SLC18B1: variants seen among roughly 807,000 people sequenced by gnomAD.
The protein encoded by SLC18B1 is solute carrier family 18 member B1.
A neutral mutation model predicts 53.9 loss-of-function variants in SLC18B1; 62 were observed. The observed-to-expected ratio is 1.15, with a 90% CI of 0.94 to 1.42. The LOEUF is 1.42. Among genes scored for constraint, SLC18B1 ranks in the 40% most tolerant of loss-of-function variants. The probability of loss-of-function intolerance (pLI) is 0.00; values close to 1 mark genes in which losing one functional copy is unlikely to be tolerated. For synonymous variants in SLC18B1, 217 were observed against 200.9 expected, an observed-to-expected ratio of 1.08 and a Z score of -0.68; for missense variants, 598 against 547.3, an observed-to-expected ratio of 1.09 and a Z score of -0.93.
intron 6 of SLC18B1, among the ~76,000 whole-genome samples, chr6:132,781,813 A>AT (rs1294452895): frequency 1.3e-5 from 2 of 152,096 alleles, no homozygotes; most frequent in African/African-American, 4.8e-5. Flanking sequence ...AGAAAAGGTA[A>AT]TAAAATCAAG....
intron 5 of SLC18B1, among the ~76,000 whole-genome samples, chr6:132,786,112 T>C (rs763991449): frequency 6.6e-6 from 1 of 152,104 alleles, no homozygotes. Context: ...CTTATCTTAA[T>C]GAGCATATCA....
At chr6:132,775,399 A>T (rs182556805) in intron 8 of SLC18B1, among the ~76,000 whole-genome samples, 4 of 152,348 alleles carry the variant, frequency 2.6e-5, no homozygotes, top group Non-Finnish European at 5.9e-5. Context: ...TACTTGAATC[A>T]GGACAAAAAT....
chr6:132,794,848 A>G (rs1259223385), intron 2 of SLC18B1, among the ~76,000 whole-genome samples: 1 of 152,148 alleles, frequency 6.6e-6, no homozygotes. Context: ...TACTAAAAAT[A>G]GAAAAAAATA....
In SLC18B1 at chr6:132,776,390, C is replaced by A. The variant is rs1277688778; in HGVS notation, c.835G>T (p.Gly279Cys). The A allele has an allele frequency of 1.9e-6, 3 of 1,613,214 alleles. No homozygotes were observed. Among genetic ancestry groups the A allele is most frequent in the Non-Finnish European group, 2.5e-6 (3 of 1,179,678 alleles). The change falls in exon 8 of 14, where the codon GGT becomes TGT. Residue 279 changes from glycine (G) to cysteine (C), a missense_variant. Gly to Cys is a radical substitution (Grantham distance 159). Coordinates refer to ENST00000275227, the MANE Select transcript of SLC18B1 (RefSeq NM_052831.3). Reference protein sequence around the residue: ...PAGYVGLVFLGMALSYAISSP... With the variant: ...PAGYVGLVFLCMALSYAISSP... Reference sequence around the variant, plus strand: ...GAGATGGCATAGGACAGTGCCATACCCAGGAATACTAGTCCCACATATCCA... The same window carrying A: ...GAGATGGCATAGGACAGTGCCATACACAGGAATACTAGTCCCACATATCCA...
At chr6:132,772,046 C>G in intron 11 of SLC18B1, 86 bp downstream of exon 11, 1 of 904,514 alleles carries the variant, frequency 1.1e-6, no homozygotes, top group South Asian at 1.6e-5. Context: ...GAGCCAAGAT[C>G]GCACCATTGC....
chr6:132,770,534 G>A (rs1243508630), intron 13 of SLC18B1, among the ~76,000 whole-genome samples, 198 bp from the exon 14 acceptor site: 15 of 152,046 alleles, frequency 9.9e-5, no homozygotes, highest in Non-Finnish European at 1.9e-4. Flanking sequence ...TCAGGAGTTC[G>A]AGACCAGCCT....
At chr6:132,792,233 A>AAGAAAGAAAGAAAGAC (rs1781543835) in intron 2 of SLC18B1, among the ~76,000 whole-genome samples, 1 of 2,818 alleles carries the variant, frequency 3.5e-4, no homozygotes, top group African/African-American at 1.6e-3. Flanking sequence ...GTCAGAAAGA[A>AAGAAAGAAAGAAAGAC]AGAAAGAAAG....
In SLC18B1 at chr6:132,787,475, T is replaced by A. The variant is rs923259478; in HGVS notation, c.460A>T (p.Ile154Phe). 6.2e-7 allele frequency: 1 copy of A among 1,604,794 alleles called. No homozygotes were observed. Among genetic ancestry groups the A allele is most frequent in the Non-Finnish European group, 8.5e-7 (1 of 1,177,110 alleles). ...FAAAMTASSS[I>F]LAKAFPNNVA... is the part of the protein sequence containing the mutation. ...TTATTTGGAAAAGCCTTTGCCAGGA[T>A]AGAAGAAGATGCAGTCATTGCTGCA... The change falls in exon 5 of 14, where the codon ATC becomes TTC. Residue 154 changes from isoleucine to phenylalanine, a missense_variant. Transcript: ENST00000275227.
In SLC18B1 at chr6:132,798,449, G is replaced by C; in HGVS notation, c.8C>G (p.Ala3Gly). The change falls in exon 1 of 14, where the codon GCG (alanine) becomes GGG (glycine). Residue 3 changes from alanine to glycine, a missense_variant. Transcript: ENST00000275227. ...GCGTGGTCCCTCCAGGTCACCCAGC[G>C]CCTCCATCCCCGGTGCGTGGACTCC... Reference protein sequence around the residue: MEALGDLEGPRAP... With the variant: MEGLGDLEGPRAP... 1 of 1,522,830 alleles carries C rather than the reference G, an allele frequency of 6.6e-7. No homozygotes were observed. The allele number at this position is 1,522,830 out of a possible 1,614,324, so 94.3% of individuals were successfully genotyped here.
intron 2 of SLC18B1, among the ~76,000 whole-genome samples, chr6:132,796,107 G>GGGAGGC (rs1781669423): frequency 6.6e-6 from 1 of 152,044 alleles, no homozygotes. Flanking sequence ...CCAGCACTTC[G>GGGAGGC]GGAGGCGGAG....
chr6:132,780,563 T>C (rs1040152977), intron 6 of SLC18B1, among the ~76,000 whole-genome samples: 1 of 143,524 alleles, frequency 7.0e-6, no homozygotes. Context: ...ACCGTGGTGT[T>C]AGTTTTTTTT....
intron 5 of SLC18B1, among the ~76,000 whole-genome samples, chr6:132,785,712 C>T (rs892031726): frequency 1.3e-5 from 2 of 151,860 alleles, no homozygotes; most frequent in Non-Finnish European, 1.5e-5. Context: ...GTGGCACTTT[C>T]CAGAGTGTTC....
chr6:132,773,409 C>T (rs1267062580), intron 9 of SLC18B1, among the ~76,000 whole-genome samples: 2 of 152,216 alleles, frequency 1.3e-5, no homozygotes, highest in Non-Finnish European at 2.9e-5. Flanking sequence ...TTGGTGAAAA[C>T]GTCAGTACTA....
intron 7 of SLC18B1, among the ~76,000 whole-genome samples, chr6:132,776,689 G>A (rs921127520): frequency 2.6e-5 from 4 of 152,102 alleles, no homozygotes; most frequent in African/African-American, 9.7e-5. Flanking sequence ...ATAACTCAGA[G>A]CATTTTTATA....
At chr6:132,791,145 G>A (rs1210593494) in intron 2 of SLC18B1, among the ~76,000 whole-genome samples, 1 of 152,134 alleles carries the variant, frequency 6.6e-6, no homozygotes, top group East Asian at 1.9e-4. Context: ...TTTAAGATAG[G>A]ACTGGCAACT....
Position 132,797,086 on chromosome 6 carries a change from C to A in SLC18B1, c.79G>T (p.Gly27Trp). 1.2e-5 allele frequency: 19 copies of A among 1,614,090 alleles called. No individual in the cohort carries two copies. The highest frequency in any genetic ancestry group is 1.6e-5 in the Non-Finnish European group (19 of 1,179,994). ...DPAGSAGETP[G>W]WLSREQVFVL... is the part of the protein sequence containing the mutation. ...AAAACCTGTTCTCTCGAAAGCCACC[C>A]GGGGGTCTCTCCTGCACTTCCTGCA... The change falls in exon 2 of 14, where the codon GGG becomes TGG. Residue 27 changes from glycine to tryptophan, a missense_variant. Gly to Trp is a radical substitution (Grantham distance 184). Coordinates refer to ENST00000275227, the MANE Select transcript of SLC18B1 (RefSeq NM_052831.3).
intron 2 of SLC18B1, among the ~76,000 whole-genome samples, chr6:132,793,533 A>G (rs990254973): frequency 4.6e-5 from 7 of 152,222 alleles, no homozygotes; most frequent in Admixed American, 1.3e-4. Flanking sequence ...CTGTGACAAC[A>G]TGCAACTCTT....
chr6:132,778,736 A>C (rs1781156075), intron 7 of SLC18B1, among the ~76,000 whole-genome samples: 1 of 152,212 alleles, frequency 6.6e-6, no homozygotes, highest in Non-Finnish European at 1.5e-5. Context: ...TCTAAGAACA[A>C]ATTTCAATGA....
At chr6:132,796,225 G>C (rs1781676816) in intron 2 of SLC18B1, among the ~76,000 whole-genome samples, 1 of 151,406 alleles carries the variant, frequency 6.6e-6, no homozygotes, top group South Asian at 2.1e-4. Context: ...CGTAGTGGCG[G>C]GTACCTGTAG....
Sources: allele counts gnomAD v4.1 joint callset (sites outside exome capture counted in the v4.1 genomes callset), GRCh38; gene constraint gnomAD v4.1.1; transcripts MANE v1.5; gene names NCBI Gene and HGNC (gene_info 2026-07-23, HGNC 2026-07-21).